Variants in NLGN1 observed in about 807,000 individuals in gnomAD.
NLGN1 encodes neuroligin 1.
Under a neutral mutation model 65.5 loss-of-function variants are expected in NLGN1, and 12 were observed. The ratio of observed to expected loss-of-function variants is 0.18; its 90% confidence interval spans 0.12 to 0.30. The LOEUF is 0.30. Among genes scored for constraint, NLGN1 ranks in the 10% least tolerant of loss-of-function variants. NLGN1 has a pLI of 1.00. For missense variants in NLGN1, 750 were observed against 1,007.1 expected, an observed-to-expected ratio of 0.74 and a Z score of 3.46; for synonymous variants, 350 against 359.5, an observed-to-expected ratio of 0.97 and a Z score of 0.30.
chr3:173,527,991 T>G (rs147602789), intron 2 of NLGN1, among the ~76,000 whole-genome samples: 3 of 152,240 alleles, frequency 2.0e-5, no homozygotes, highest in African/African-American at 7.2e-5. Context: ...ATTCCTATAA[T>G]AGTGTTGTTA....
At chr3:174,227,783 A>G (rs1739991478) in intron 4 of NLGN1, among the ~76,000 whole-genome samples, 1 of 152,124 alleles carries the variant, frequency 6.6e-6, no homozygotes, top group Non-Finnish European at 1.5e-5. Flanking sequence ...TAATTCAAGT[A>G]GATGTATATT....
chr3:174,059,646 A>G (rs1255793050), intron 4 of NLGN1, among the ~76,000 whole-genome samples: 1 of 152,172 alleles, frequency 6.6e-6, no homozygotes, highest in Admixed American at 6.5e-5. Flanking sequence ...TGAATCAAGT[A>G]ATATGTCTTA....
intron 4 of NLGN1, among the ~76,000 whole-genome samples, chr3:174,250,229 T>G (rs1744522430): frequency 6.6e-6 from 1 of 152,202 alleles, no homozygotes; most frequent in African/African-American, 2.4e-5. Context: ...ATGCAAGTAC[T>G]TAGCCAAGTG....
At chr3:173,759,446 A>G (rs991587259) in intron 3 of NLGN1, among the ~76,000 whole-genome samples, 12 of 152,138 alleles carry the variant, frequency 7.9e-5, no homozygotes, top group Admixed American at 6.6e-5. Context: ...CAGTGATTTA[A>G]TCTCTATGGG....
intron 3 of NLGN1, among the ~76,000 whole-genome samples, chr3:173,757,299 A>G (rs1284063070): frequency 1.3e-5 from 2 of 152,036 alleles, no homozygotes; most frequent in Non-Finnish European, 2.9e-5. Context: ...TATGTGACAT[A>G]CTGATCCTAT....
chr3:174,095,237 C>A (rs931567718), intron 4 of NLGN1, among the ~76,000 whole-genome samples: 6 of 146,396 alleles, frequency 4.1e-5, no homozygotes, highest in East Asian at 2.0e-4. Flanking sequence ...AAAAAAAAAA[C>A]CATAAAGTTG....
At chr3:174,176,125 C>T (rs1729402601) in intron 4 of NLGN1, among the ~76,000 whole-genome samples, 2 of 151,776 alleles carry the variant, frequency 1.3e-5, no homozygotes, top group South Asian at 4.1e-4. Context: ...TTGTTGAATA[C>T]TTTATTTTAC....
chr3:174,212,325 C>A (rs7619092), intron 4 of NLGN1, among the ~76,000 whole-genome samples: 15,300 of 152,220 alleles, frequency 0.1, 1,640 homozygotes, highest in African/African-American at 0.27. Flanking sequence ...AAGCGCCGTG[C>A]GCAGCCCGGG....
At chr3:173,449,447 T>A (rs569499595) in intron 2 of NLGN1, among the ~76,000 whole-genome samples, 56 of 152,308 alleles carry the variant, frequency 3.7e-4, no homozygotes, top group Non-Finnish European at 6.5e-4. Flanking sequence ...ATAATTTCTG[T>A]TCTTTTACAT....
intron 2 of NLGN1, among the ~76,000 whole-genome samples, chr3:173,523,855 A>AT (rs1477294715): frequency 6.6e-6 from 1 of 150,760 alleles, no homozygotes; most frequent in Non-Finnish European, 1.5e-5. Flanking sequence ...GAGTATGGTC[A>AT]TTTTAACACT....
intron 2 of NLGN1, among the ~76,000 whole-genome samples, chr3:173,579,596 G>A (rs764417142): frequency 1.3e-5 from 2 of 152,192 alleles, no homozygotes; most frequent in South Asian, 2.1e-4. Context: ...ATCCAGGCAG[G>A]TGTGTTCTCC....
At chr3:173,497,356 C>A (rs1730197758) in intron 2 of NLGN1, among the ~76,000 whole-genome samples, 1 of 151,190 alleles carries the variant, frequency 6.6e-6, no homozygotes, top group Admixed American at 6.6e-5. Context: ...CCACTGCACT[C>A]CAGCCTGGGC....
Position 173,747,376 on chromosome 3 carries a change from A to G in NLGN1, c.494-60304A>G, listed in dbSNP as rs1560288283. On this transcript the variant is annotated intron_variant, in intron 3 of 6. Transcript: ENST00000457714. ...TATATATACTTAAAGATATATATAT[A>G]CTTAAAGATATATATATTTAAATAT... 2.1e-5 allele frequency among the ~76,000 whole-genome samples: 3 copies of G among 145,700 alleles called. No individual in the cohort carries two copies. In the South Asian group the frequency reaches 6.3e-4, roughly 31 times the overall value.
At chr3:173,628,886 G>T (rs549293562) in intron 3 of NLGN1, among the ~76,000 whole-genome samples, 77 of 151,872 alleles carry the variant, frequency 5.1e-4, no homozygotes, top group African/African-American at 1.7e-3. Context: ...TAGAGACAGG[G>T]TTTCACCATG....
chr3:174,204,567 A>C (rs113512677), intron 4 of NLGN1, among the ~76,000 whole-genome samples: 65 of 152,288 alleles, frequency 4.3e-4, no homozygotes, highest in African/African-American at 1.5e-3. Context: ...TTTTTTGATA[A>C]TAAAGTTTGG....
In NLGN1 at chr3:173,994,414, C is replaced by CA. The variant is rs202110479; in HGVS notation, c.646+186583dup. Among the ~76,000 whole-genome samples the CA allele has an allele frequency of 5.0e-3, 623 of 124,970 alleles. 5 individuals are homozygous for CA. Among genetic ancestry groups the CA allele is most frequent in the African/African-American group, 0.018 (581 of 32,120 alleles). 82.0% of individuals were successfully genotyped at this position (124,970 alleles called of 152,430 possible). ...CCAGCAAGTACTGGTGGATAATTCT[C>CA]AGTGAGATTTTCTTTTGTATGAAAA... is the stretch of plus-strand genomic sequence containing the variant. On this transcript the variant is annotated intron_variant, in intron 4 of 6. Transcript: ENST00000457714.
At chr3:174,242,225 C>T (rs1743013886) in intron 4 of NLGN1, among the ~76,000 whole-genome samples, 1 of 151,890 alleles carries the variant, frequency 6.6e-6, no homozygotes, top group Admixed American at 6.6e-5. Flanking sequence ...GCTTGGTACA[C>T]CATAAATCAG....
chr3:174,254,098 C>G (rs987867788), intron 4 of NLGN1, among the ~76,000 whole-genome samples: 2 of 152,108 alleles, frequency 1.3e-5, no homozygotes, highest in Non-Finnish European at 2.9e-5. Context: ...CGTTGGTAAA[C>G]AAGATTCCTT....
At chr3:173,592,511 T>C (rs78698546) in intron 2 of NLGN1, among the ~76,000 whole-genome samples, 3,560 of 152,280 alleles carry the variant, frequency 0.023, 137 homozygotes, top group African/African-American at 0.08. Flanking sequence ...CACGCCTACA[T>C]GATGAGAAAT....
Sources: allele counts gnomAD v4.1 joint callset (sites outside exome capture counted in the v4.1 genomes callset), GRCh38; gene constraint gnomAD v4.1.1; transcripts MANE v1.5; gene names NCBI Gene and HGNC (gene_info 2026-07-23, HGNC 2026-07-21).